KDELR3: variants seen among roughly 807,000 people sequenced by gnomAD.
The protein encoded by KDELR3 is ER lumen protein-retaining receptor 3.
Under a neutral mutation model 22.7 loss-of-function variants are expected in KDELR3, and 26 were observed. The ratio of observed to expected loss-of-function variants is 1.15; its 90% CI spans 0.84 to 1.59. The LOEUF (loss-of-function observed/expected upper bound fraction) is 1.59, where lower values mean the gene tolerates loss of function less well. Among genes scored for constraint, KDELR3 ranks in the 40% most tolerant of loss-of-function variants. The pLI, the probability that KDELR3 is intolerant of heterozygous loss-of-function variation, is 0.00. For synonymous variants in KDELR3, 120 were observed against 98.2 expected (o/e 1.22, Z -1.31); for missense variants, 289 against 251.1 (o/e 1.15, Z -1.02).
Position 38,482,887 on chromosome 22 carries a change from A to G in KDELR3, c.*351A>G. 3.9e-6 allele frequency: 1 copy of G among 259,564 alleles called. No individual in the cohort carries two copies. Among genetic ancestry groups the G allele is most frequent in the Admixed American group, 5.1e-5 (1 of 19,462 alleles). The allele number at this position is 259,564 out of a possible 1,614,324, so 16.1% of individuals were successfully genotyped here. A position where few individuals can be genotyped will look rare whatever the true frequency, so the allele number is the denominator to read the frequency against. ...GAGCAAGTCAACCCCAATCTGGAACAATGTCCCTCCTCTTAGAATGTCCCA... is the reference window on the plus strand; with the variant it reads ...GAGCAAGTCAACCCCAATCTGGAACGATGTCCCTCCTCTTAGAATGTCCCA... On this transcript the variant is annotated 3_prime_UTR_variant, in exon 5 of 5. Transcript: ENST00000216014.
intron 1 of KDELR3, among the ~76,000 whole-genome samples, chr22:38,471,322 C>T (rs77753283): frequency 0.021 from 3,160 of 152,278 alleles, 131 homozygotes; most frequent in African/African-American, 0.073. Flanking sequence ...GGCAGTCCTT[C>T]GTGGGGCTGA....
At chr22:38,474,649 G>A (rs372899639) in intron 2 of KDELR3, 26 bp downstream of exon 2, 3 of 1,578,904 alleles carry the variant, frequency 1.9e-6, no homozygotes, top group Non-Finnish European at 1.7e-6. Flanking sequence ...ATGATGGTTG[G>A]GGGAAGCCAC....
chr22:38,479,592 G>C lies in KDELR3; in HGVS notation c.193-1G>C, dbSNP rs368527543. 9.1e-5 allele frequency: 146 copies of C among 1,611,672 alleles called. 1 individual carries two copies. The highest frequency in any genetic ancestry group is 1.9e-4 in the South Asian group (17 of 91,048). ...ATTCCCATGTCTCTCTCCCCTTTTA[G>C]GTGGTTTTTCTCCTCTGTGCCTATG... On this transcript the variant is annotated splice_acceptor_variant, in intron 2 of 4. Coordinates refer to ENST00000216014, the MANE Select transcript of KDELR3 (RefSeq NM_006855.4). LOFTEE classifies it high-confidence loss of function.
Position 38,482,804 on chromosome 22 carries a change from C to A in KDELR3, c.*268C>A. 6.5e-6 allele frequency: 3 copies of A among 458,128 alleles called. No individual in the cohort carries two copies. The highest frequency in any genetic ancestry group is 3.8e-5 in the Admixed American group (1 of 26,110). The allele number at this position is 458,128 out of a possible 1,614,324, so 28.4% of individuals were successfully genotyped here. The stretch of plus-strand genomic sequence containing the variant: ...AACAAGAAACCTTAAGGTGTCTTAC[C>A]GACGAAATAAAAAACATAAATGATT... On this transcript the variant is annotated 3_prime_UTR_variant, in exon 5 of 5. Transcript: ENST00000216014.
rs1478314608 is a variant in KDELR3 at position 38,479,593 on chromosome 22, G to A, written c.193G>A (p.Val65Met). Reference sequence around the variant, plus strand: ...TTCCCATGTCTCTCTCCCCTTTTAGGTGGTTTTTCTCCTCTGTGCCTATGT... The same window carrying A: ...TTCCCATGTCTCTCTCCCCTTTTAGATGGTTTTTCTCCTCTGTGCCTATGT... ...FISIYNTVMK[V>M]VFLLCAYVTV... The change falls in exon 3 of 5, where the codon GTG (valine) becomes ATG (methionine). Residue 65 changes from valine to methionine, a missense_variant and splice_region_variant. Val to Met is a conservative substitution (Grantham distance 21). Transcript: ENST00000216014. The A allele has an allele frequency of 3.7e-6, 6 of 1,611,536 alleles. No homozygotes were observed. Among genetic ancestry groups the A allele is most frequent in the East Asian group, 2.2e-5 (1 of 44,858 alleles).
At chr22:38,479,815 G>C (rs2089586968) in intron 3 of KDELR3, 64 bp downstream of exon 3, 2 of 1,506,294 alleles carry the variant, frequency 1.3e-6, no homozygotes, top group Non-Finnish European at 1.8e-6. Flanking sequence ...CTTCCCTCCA[G>C]ACCCTGGGCT....
rs944393342 is a variant in KDELR3 at position 38,468,123 on chromosome 22, A to G, written c.-111A>G. On this transcript the variant is annotated 5_prime_UTR_variant, in exon 1 of 5. Coordinates refer to ENST00000216014, the MANE Select transcript of KDELR3 (RefSeq NM_006855.4). ...GATCGCGGAGCTGTGAGGCGCAGGC[A>G]GGGCTCTGGGGCACCTAGAGACCGG... is the stretch of plus-strand genomic sequence containing the variant. The G allele has an allele frequency of 3.4e-6, 3 of 890,194 alleles. No individual in the cohort carries two copies. Among genetic ancestry groups the G allele is most frequent in the Non-Finnish European group, 5.4e-6 (3 of 555,184 alleles). 55.1% of individuals were successfully genotyped at this position (890,194 alleles called of 1,614,324 possible). A position where few individuals can be genotyped will look rare whatever the true frequency, so the allele number is the denominator to read the frequency against.
chr22:38,481,469 G>GTC lies in KDELR3; in HGVS notation c.604+6_604+7dup. 2.5e-6 allele frequency: 4 copies of GTC among 1,614,138 alleles called. No homozygotes were observed. Among genetic ancestry groups the GTC allele is most frequent in the Non-Finnish European group, 3.4e-6 (4 of 1,180,034 alleles). ...TCTACTTGTATGTGACCAAAGGTAG[G>GTC]TCCTGGGATGACAGCAATGCTGACA... On this transcript the variant is annotated splice_donor_region_variant and intron_variant, in intron 4 of 4. Coordinates refer to ENST00000216014, the MANE Select transcript of KDELR3 (RefSeq NM_006855.4).
intron 1 of KDELR3, 86 bp from the exon 2 acceptor site, chr22:38,474,437 C>G: frequency 9.3e-7 from 1 of 1,080,930 alleles, no homozygotes; most frequent in Non-Finnish European, 1.4e-6. Context: ...CTAGAGGCCT[C>G]CCCAGCTCCA....
chr22:38,472,431 C>G (rs1039696861), intron 1 of KDELR3, among the ~76,000 whole-genome samples: 1 of 150,204 alleles, frequency 6.7e-6, no homozygotes, highest in Admixed American at 6.6e-5. Context: ...GAGTCGAGAT[C>G]GCACCACTGC....
In KDELR3 at chr22:38,479,592, G is replaced by A; in HGVS notation, c.193-1G>A. On this transcript the variant is annotated splice_acceptor_variant, in intron 2 of 4. Transcript: ENST00000216014. LOFTEE classifies it high-confidence loss of function. ...ATTCCCATGTCTCTCTCCCCTTTTA[G>A]GTGGTTTTTCTCCTCTGTGCCTATG... is the stretch of plus-strand genomic sequence containing the variant. The A allele has an allele frequency of 6.2e-7, 1 of 1,611,672 alleles. No individual in the cohort carries two copies. Among genetic ancestry groups the A allele is most frequent in the Non-Finnish European group, 8.5e-7 (1 of 1,177,850 alleles).
chr22:38,478,805 G>A (rs5757103), intron 2 of KDELR3, among the ~76,000 whole-genome samples: 137,645 of 150,980 alleles, frequency 0.91, 63,578 homozygotes, highest in Non-Finnish European at 0.98. Flanking sequence ...TGCATGCCTG[G>A]CTAGTTTTTT....
chr22:38,478,629 A>ATTTGTTTTTTTTT (rs2089576808), intron 2 of KDELR3, among the ~76,000 whole-genome samples: 4 of 43,560 alleles, frequency 9.2e-5, no homozygotes, highest in Non-Finnish European at 1.5e-4. Flanking sequence ...AGCATCTGTG[A>ATTTGTTTTTTTTT]TTTTTTTTTT....
Position 38,482,817 on chromosome 22 carries a change from A to C in KDELR3, c.*281A>C, listed in dbSNP as rs549528633. 5.9e-5 allele frequency: 26 copies of C among 438,496 alleles called. No individual in the cohort carries two copies. The highest frequency in any genetic ancestry group is 2.4e-4 in the Admixed American group (6 of 25,328). 27.2% of individuals were successfully genotyped at this position (438,496 alleles called of 1,614,324 possible). ...AAGGTGTCTTACCGACGAAATAAAA[A>C]ACATAAATGATTGTTCTCCAAGGCC... On this transcript the variant is annotated 3_prime_UTR_variant, in exon 5 of 5. Transcript: ENST00000216014.
At chr22:38,471,497 C>T (rs2089524833) in intron 1 of KDELR3, among the ~76,000 whole-genome samples, 1 of 152,200 alleles carries the variant, frequency 6.6e-6, no homozygotes, top group South Asian at 2.1e-4. Context: ...GTGCTAGACC[C>T]CCCAGAGGGA....
intron 1 of KDELR3, among the ~76,000 whole-genome samples, chr22:38,470,173 G>C (rs1376568373): frequency 1.4e-5 from 2 of 142,806 alleles, no homozygotes; most frequent in Admixed American, 6.9e-5. Flanking sequence ...CCCTAGGCTG[G>C]AGTGCAGTGG....
intron 2 of KDELR3, among the ~76,000 whole-genome samples, chr22:38,475,963 C>A (rs1602659699): frequency 6.6e-6 from 1 of 152,234 alleles, no homozygotes; most frequent in East Asian, 1.9e-4. Context: ...GACACATTAT[C>A]TAATAGGAAT....
chr22:38,478,629 ATTTTT>A (rs55884876), intron 2 of KDELR3, among the ~76,000 whole-genome samples: 61 of 43,564 alleles, frequency 1.4e-3, no homozygotes, highest in Non-Finnish European at 1.9e-3. Context: ...AGCATCTGTG[ATTTTT>A]TTTTTTTTTT....
At chr22:38,471,894 G>A (rs749404596) in intron 1 of KDELR3, among the ~76,000 whole-genome samples, 2 of 152,068 alleles carry the variant, frequency 1.3e-5, no homozygotes, top group African/African-American at 2.4e-5. Context: ...AGCCTGGGAG[G>A]TTGAGGCTGC....
Sources: allele counts gnomAD v4.1 joint callset (sites outside exome capture counted in the v4.1 genomes callset), GRCh38; gene constraint gnomAD v4.1.1; transcripts MANE v1.5; gene names NCBI Gene and HGNC (gene_info 2026-07-23, HGNC 2026-07-21).